Variants in GTF2E2 observed in about 807,000 individuals in gnomAD.
The protein encoded by GTF2E2 is transcription initiation factor IIE subunit beta.
In GTF2E2, 21 loss-of-function variants were observed where a neutral mutation model predicts 40.5. That is an observed-to-expected ratio of 0.52 (90% confidence interval 0.37 to 0.75). The LOEUF is 0.75. GTF2E2 is among the 30% of genes least tolerant of loss of function. The probability of loss-of-function intolerance (pLI) is 0.00; values close to 1 mark genes in which losing one functional copy is unlikely to be tolerated. For missense variants in GTF2E2, 298 were observed against 338.4 expected, an observed-to-expected ratio of 0.88 and a Z score of 0.94; for synonymous variants, 117 against 121.6, an observed-to-expected ratio of 0.96 and a Z score of 0.25.
At chr8:30,637,391 A>G (rs1178991339) in intron 2 of GTF2E2, 1 of 425,966 alleles carries the variant, frequency 2.3e-6, no homozygotes, top group African/African-American at 2.1e-5. Flanking sequence ...ATCTACTACT[A>G]ACTCAATGTC....
intron 6 of GTF2E2, among the ~76,000 whole-genome samples, chr8:30,590,499 CT>C (rs1828814400): frequency 6.6e-6 from 1 of 152,092 alleles, no homozygotes; most frequent in Non-Finnish European, 1.5e-5. Context: ...TACTATTTAG[CT>C]TTCTAAAGGA....
At chr8:30,590,661 A>AATAAAG (rs1389960135) in intron 6 of GTF2E2, among the ~76,000 whole-genome samples, 2 of 152,130 alleles carry the variant, frequency 1.3e-5, no homozygotes, top group Admixed American at 6.6e-5. Flanking sequence ...CAGCAAAAGA[A>AATAAAG]ATAAAGATAA....
At chr8:30,598,982 A>G (rs1024610618) in intron 6 of GTF2E2, among the ~76,000 whole-genome samples, 1 of 152,196 alleles carries the variant, frequency 6.6e-6, no homozygotes, top group Non-Finnish European at 1.5e-5. Flanking sequence ...ACAAAGCGAG[A>G]CCCTGTCTCT....
chr8:30,604,007 A>C (rs1829253305), intron 6 of GTF2E2, among the ~76,000 whole-genome samples: 1 of 152,204 alleles, frequency 6.6e-6, no homozygotes, highest in South Asian at 2.1e-4. Context: ...TAAGGACATA[A>C]GCAAATAAAA....
intron 6 of GTF2E2, among the ~76,000 whole-genome samples, chr8:30,604,544 C>A (rs916048957): frequency 6.6e-6 from 1 of 152,158 alleles, no homozygotes; most frequent in African/African-American, 2.4e-5. Context: ...TACTAACCAG[C>A]CATACATCGT....
At chr8:30,583,102 G>C (rs1042414604) in intron 6 of GTF2E2, among the ~76,000 whole-genome samples, 6 of 152,158 alleles carry the variant, frequency 3.9e-5, no homozygotes, top group Admixed American at 3.9e-4. Flanking sequence ...GGGAGGCCGA[G>C]GAGGGTGGAT....
chr8:30,646,125 T>A (rs955193266), intron 2 of GTF2E2: 1 of 152,218 alleles, frequency 6.6e-6, no homozygotes, highest in Admixed American at 6.5e-5. Context: ...AGGATTAGTA[T>A]GAAAAAGTCT....
chr8:30,655,196 C>CAAA (rs11452838), intron 1 of GTF2E2, among the ~76,000 whole-genome samples: 4 of 134,110 alleles, frequency 3.0e-5, no homozygotes, highest in African/African-American at 8.6e-5. Context: ...AACTCTGTCT[C>CAAA]AAAAAAAAAA....
intron 6 of GTF2E2, among the ~76,000 whole-genome samples, chr8:30,600,141 T>C (rs1288775802): frequency 6.6e-6 from 1 of 152,132 alleles, no homozygotes; most frequent in Non-Finnish European, 1.5e-5. Flanking sequence ...AGGAAAAAGA[T>C]TGTCCATTAG....
intron 3 of GTF2E2, among the ~76,000 whole-genome samples, chr8:30,624,503 T>C (rs10099324): frequency 0.039 from 5,939 of 152,208 alleles, 438 homozygotes; most frequent in African/African-American, 0.14. Context: ...GGGCTCTTTT[T>C]TGGTTCCATA....
At chr8:30,628,263 A>G (rs1239857464) in intron 3 of GTF2E2, among the ~76,000 whole-genome samples, 1 of 152,240 alleles carries the variant, frequency 6.6e-6, no homozygotes, top group East Asian at 1.9e-4. Context: ...AAATTTTAAA[A>G]AAGAAAAAAA....
chr8:30,623,931 A>G (rs1273841907), intron 3 of GTF2E2, among the ~76,000 whole-genome samples: 2 of 151,574 alleles, frequency 1.3e-5, no homozygotes, highest in Non-Finnish European at 2.9e-5. Context: ...AGATGAGTAG[A>G]TTGGAAAAAT....
chr8:30,647,774 G>A (rs1020701291), intron 2 of GTF2E2, among the ~76,000 whole-genome samples: 37 of 152,296 alleles, frequency 2.4e-4, no homozygotes, highest in African/African-American at 7.5e-4. Context: ...TTTCACAAAC[G>A]TTGGATTCTT....
chr8:30,608,560 T>C (rs1188137689), intron 5 of GTF2E2, among the ~76,000 whole-genome samples: 1 of 152,212 alleles, frequency 6.6e-6, no homozygotes, highest in Non-Finnish European at 1.5e-5. Context: ...AAAATAATAG[T>C]CCACTAGATC....
chr8:30,636,674 T>C (rs1801610276), intron 2 of GTF2E2, among the ~76,000 whole-genome samples: 1 of 152,196 alleles, frequency 6.6e-6, no homozygotes, highest in South Asian at 2.1e-4. Flanking sequence ...GAGACCATCC[T>C]GGCCAACATG....
At chr8:30,629,051 C>T (rs979314245) in intron 3 of GTF2E2, among the ~76,000 whole-genome samples, 1 of 151,940 alleles carries the variant, frequency 6.6e-6, no homozygotes, top group Admixed American at 6.6e-5. Flanking sequence ...ACCACTCATA[C>T]ATTCCTAAAC....
At chr8:30,645,169 T>C (rs1232403630) in intron 2 of GTF2E2, 2 of 935,706 alleles carry the variant, frequency 2.1e-6, no homozygotes, top group African/African-American at 3.3e-5. Flanking sequence ...TAGGCATTAA[T>C]TAAGGAAGAT....
intron 7 of GTF2E2, among the ~76,000 whole-genome samples, chr8:30,579,767 G>A (rs906238025): frequency 1.3e-5 from 2 of 152,208 alleles, no homozygotes; most frequent in Non-Finnish European, 2.9e-5. Context: ...GCTGGTGCAA[G>A]GCAATGTAAA....
chr8:30,647,182 C>T (rs1423670506), intron 2 of GTF2E2, among the ~76,000 whole-genome samples: 3 of 151,926 alleles, frequency 2.0e-5, no homozygotes, highest in African/African-American at 7.3e-5. Context: ...CAAAAAAAAG[C>T]ACTAGGTATT....
Sources: allele counts gnomAD v4.1 joint callset (sites outside exome capture counted in the v4.1 genomes callset), GRCh38; gene constraint gnomAD v4.1.1; transcripts MANE v1.5; gene names NCBI Gene and HGNC (gene_info 2026-07-23, HGNC 2026-07-21).